SAMMSON: variants seen among roughly 807,000 people sequenced by gnomAD.
SAMMSON encodes the protein survival associated mitochondrial melanoma specific oncogenic non-coding RNA, also known as long intergenic non-protein coding RNA 1212.
chr3:70,190,513 C>T (rs760715754), intron 4 of SAMMSON, among the ~76,000 whole-genome samples: 7 of 152,166 alleles, frequency 4.6e-5, no homozygotes, highest in Non-Finnish European at 1.0e-4. Flanking sequence ...CAGTAGCCTC[C>T]TACCTGGCCA....
intron 7 of SAMMSON, among the ~76,000 whole-genome samples, chr3:70,327,265 A>G (rs1397214614): frequency 1.3e-5 from 2 of 152,214 alleles, no homozygotes; most frequent in African/African-American, 4.8e-5. Context: ...CTTTTCCACC[A>G]TAAACAACTT....
intron 4 of SAMMSON, among the ~76,000 whole-genome samples, chr3:70,086,470 G>A (rs1221738898): frequency 6.6e-6 from 1 of 152,232 alleles, no homozygotes. Flanking sequence ...GCATGGTTGA[G>A]CTAGGATAAA....
intron 4 of SAMMSON, among the ~76,000 whole-genome samples, chr3:70,160,359 C>A (rs55835872): frequency 0.073 from 11,006 of 151,304 alleles, 561 homozygotes; most frequent in Non-Finnish European, 0.11. Context: ...CCCTTCCTCC[C>A]TCCCTCCCTC....
chr3:70,277,999 A>T (rs1308386691), intron 6 of SAMMSON, among the ~76,000 whole-genome samples: 1 of 152,146 alleles, frequency 6.6e-6, no homozygotes, highest in Non-Finnish European at 1.5e-5. Context: ...TCTTAAGTAT[A>T]TACATTGATC....
chr3:70,026,203 C>T (rs1447164747), intron 3 of SAMMSON, among the ~76,000 whole-genome samples: 1 of 152,108 alleles, frequency 6.6e-6, no homozygotes, highest in African/African-American at 2.4e-5. Flanking sequence ...ATGATATTTA[C>T]TGCTGCTCTC....
chr3:70,168,398 A>C (rs1053255916), intron 4 of SAMMSON, among the ~76,000 whole-genome samples: 4 of 151,994 alleles, frequency 2.6e-5, no homozygotes, highest in African/African-American at 9.7e-5. Flanking sequence ...TTTTAAGGAA[A>C]ATCAGCACAT....
chr3:70,116,521 T>C (rs953920473), intron 4 of SAMMSON, among the ~76,000 whole-genome samples: 1 of 152,004 alleles, frequency 6.6e-6, no homozygotes, highest in African/African-American at 2.4e-5. Context: ...GACAGTTTTT[T>C]TTTATTTGGT....
chr3:70,329,992 G>A (rs898910096), intron 7 of SAMMSON, among the ~76,000 whole-genome samples: 2 of 151,760 alleles, frequency 1.3e-5, no homozygotes, highest in African/African-American at 2.4e-5. Flanking sequence ...ATGTTTAAAG[G>A]TTAAAAATTC....
At chr3:70,004,120 T>G (rs953764490) in intron 1 of SAMMSON, among the ~76,000 whole-genome samples, 2 of 152,138 alleles carry the variant, frequency 1.3e-5, no homozygotes, top group African/African-American at 4.8e-5. Flanking sequence ...CATCTGTTTA[T>G]TGTGCACAGG....
chr3:70,266,270 A>G (rs1701916346), intron 6 of SAMMSON, among the ~76,000 whole-genome samples: 1 of 151,762 alleles, frequency 6.6e-6, no homozygotes, highest in Admixed American at 6.6e-5. Flanking sequence ...ACTTATATTT[A>G]ATTATGTACT....
At chr3:70,339,593 G>T (rs1027145255) in intron 7 of SAMMSON, among the ~76,000 whole-genome samples, 16 of 152,156 alleles carry the variant, frequency 1.1e-4, no homozygotes, top group African/African-American at 3.6e-4. Flanking sequence ...AGTGGGCGAA[G>T]GATATGAACA....
chr3:70,140,646 G>A (rs977570865), intron 4 of SAMMSON, among the ~76,000 whole-genome samples: 3 of 152,136 alleles, frequency 2.0e-5, no homozygotes, highest in African/African-American at 7.2e-5. Context: ...AATTAGCAGT[G>A]ATTCTATCTT....
At chr3:70,161,284 G>C (rs1164787709) in intron 4 of SAMMSON, among the ~76,000 whole-genome samples, 1 of 151,906 alleles carries the variant, frequency 6.6e-6, no homozygotes, top group Non-Finnish European at 1.5e-5. Flanking sequence ...TCTTTTATGA[G>C]GAAGTATGAT....
At chr3:70,136,155 G>T (rs1263256192) in intron 4 of SAMMSON, among the ~76,000 whole-genome samples, 1 of 152,188 alleles carries the variant, frequency 6.6e-6, no homozygotes, top group Non-Finnish European at 1.5e-5. Flanking sequence ...AACGTGTGTA[G>T]TTGCCAGCTT....
intron 2 of SAMMSON, among the ~76,000 whole-genome samples, chr3:70,431,340 G>C (rs1701410915): frequency 6.6e-6 from 1 of 151,994 alleles, no homozygotes; most frequent in Admixed American, 6.6e-5. Flanking sequence ...AGAAATCTGT[G>C]AGATCCTTTG....
chr3:70,229,738 C>T lies in SAMMSON; in HGVS notation n.508-19369C>T, dbSNP rs72943309. Among the ~76,000 whole-genome samples the T allele has an allele frequency of 8.6e-3, 1,304 of 152,270 alleles. 25 individuals are homozygous for T. Among genetic ancestry groups the T allele is most frequent in the African/African-American group, 0.03 (1,265 of 41,546 alleles). On this transcript the variant is annotated intron_variant and non_coding_transcript_variant, in intron 4 of 9. Transcript: ENST00000642114. Reference sequence around the variant, plus strand: ...AAAAGCCTGGATCCCTGAGTCACCACATGGTGGAAAGCAACCTAGGGATAT... The same window carrying T: ...AAAAGCCTGGATCCCTGAGTCACCATATGGTGGAAAGCAACCTAGGGATAT...
intron 9 of SAMMSON, among the ~76,000 whole-genome samples, chr3:70,385,020 C>G (rs967426628): frequency 6.6e-6 from 1 of 152,040 alleles, no homozygotes. Flanking sequence ...ATAGAATAAT[C>G]TAGGCAACAG....
At chr3:70,238,541 G>T (rs1209611660) in intron 4 of SAMMSON, among the ~76,000 whole-genome samples, 1 of 151,982 alleles carries the variant, frequency 6.6e-6, no homozygotes, top group Non-Finnish European at 1.5e-5. Flanking sequence ...AAGCCTGGGT[G>T]GTGAAGGCTG....
chr3:70,283,014 A>T (rs895686625), intron 6 of SAMMSON, among the ~76,000 whole-genome samples: 2 of 152,210 alleles, frequency 1.3e-5, no homozygotes, highest in Non-Finnish European at 2.9e-5. Context: ...CTGAAAAAAC[A>T]GTTGATTACA....
Sources: gnomAD v4.1 joint callset for allele counts (sites outside exome capture counted in the v4.1 genomes callset) on GRCh38, gnomAD v4.1.1 for gene constraint, MANE v1.5 for transcripts, NCBI Gene and HGNC (gene_info 2026-07-23, HGNC 2026-07-21) for gene names.